Variants in CHD6 observed in about 807,000 individuals in gnomAD.
CHD6 encodes ATP-dependent chromatin remodeler CHD6.
Under a neutral mutation model 276.9 loss-of-function variants are expected in CHD6, and 50 were observed. The ratio of observed to expected loss-of-function variants is 0.18; its 90% confidence interval spans 0.14 to 0.23. The LOEUF is 0.23. CHD6 is among the 10% of genes least tolerant of loss of function. The pLI, the probability that CHD6 is intolerant of heterozygous loss-of-function variation, is 1.00. For synonymous variants in CHD6, 1,173 were observed against 1,229.3 expected (o/e 0.95, Z 0.96); for missense variants, 2,564 against 3,365.8 (o/e 0.76, Z 5.89).
chr20:41,577,680 T>G (rs1568713201), intron 1 of CHD6, among the ~76,000 whole-genome samples: 1 of 152,258 alleles, frequency 6.6e-6, no homozygotes, highest in Non-Finnish European at 1.5e-5. Flanking sequence ...AATATATGTG[T>G]AGATTATTGT....
intron 25 of CHD6, among the ~76,000 whole-genome samples, chr20:41,443,842 C>T (rs1403102898): frequency 6.6e-6 from 1 of 152,182 alleles, no homozygotes; most frequent in Non-Finnish European, 1.5e-5. Flanking sequence ...GCTTTCAGTT[C>T]TGGCTTTAAA....
chr20:41,587,697 G>A (rs1264410504), intron 1 of CHD6, among the ~76,000 whole-genome samples: 10 of 152,150 alleles, frequency 6.6e-5, no homozygotes, highest in African/African-American at 1.9e-4. Context: ...TGACACTAAC[G>A]TGTACAAAGG....
At chr20:41,584,978 C>T (rs2045578349) in intron 1 of CHD6, among the ~76,000 whole-genome samples, 1 of 151,682 alleles carries the variant, frequency 6.6e-6, no homozygotes, top group Admixed American at 6.6e-5. Context: ...AAAAATAAGT[C>T]GTGAAAAGGA....
rs1218231581 is a variant in CHD6, at chr20:41,459,753, CCA to C, written c.2665-2327_2665-2326del. Among the ~76,000 whole-genome samples, 4 of 152,128 alleles carry C rather than the reference CCA, an allele frequency of 2.6e-5. No individual in the cohort carries two copies. The East Asian group carries it at 7.7e-4, about 29-fold the overall frequency. Reference sequence around the variant, plus strand: ...AGTCCAATTAAACCTTTTTTTGTTCCCAGTTTTGGATATGCCTTTATTAGCAG... The same window carrying C: ...AGTCCAATTAAACCTTTTTTTGTTCCGTTTTGGATATGCCTTTATTAGCAG... On this transcript the variant is annotated intron_variant, in intron 17 of 36. Coordinates refer to ENST00000373233, the MANE Select transcript of CHD6 (RefSeq NM_032221.5).
chr20:41,420,600 G>T lies in CHD6; in HGVS notation c.6035C>A (p.Thr2012Lys). ...ESAEGQNVFP[T>K]YPLEGSELKS... The stretch of plus-strand genomic sequence containing the variant: ...GAGCTCACTTCCTTCAAGAGGATAT[G>T]TGGGGAAAACGTTTTGCCCCTCTGC... Residue 2012 changes from threonine (T) to lysine (K), a missense_variant, in exon 31 of 37, where the codon ACA (threonine) becomes AAA (lysine). Thr to Lys is a moderately conservative substitution (Grantham distance 78, BLOSUM62 -1). Around this residue, in one of 7 missense-constraint regions of CHD6, gnomAD observed 1,024 missense variants for 1,047.9 expected, o/e 0.98. Coordinates refer to ENST00000373233, the MANE Select transcript of CHD6 (RefSeq NM_032221.5). The T allele has an allele frequency of 1.2e-6, 2 of 1,614,154 alleles. No individual in the cohort carries two copies. Among genetic ancestry groups the T allele is most frequent in the Non-Finnish European group, 8.5e-7 (1 of 1,179,982 alleles).
rs764306469 is a variant in CHD6, at chr20:41,404,700, C to T, written c.8041G>A (p.Gly2681Ser). 9 of 1,595,270 alleles carry T rather than the reference C, an allele frequency of 5.6e-6. No individual in the cohort carries two copies. Among genetic ancestry groups the T allele is most frequent in the African/African-American group, 2.7e-5 (2 of 74,328 alleles). The change falls in exon 37 of 37, where the codon GGT (glycine) becomes AGT (serine). Residue 2681 changes from glycine (G) to serine (S), a missense_variant. Physicochemically the swap from Gly to Ser is moderately conservative, Grantham distance 56. Coordinates refer to ENST00000373233, the MANE Select transcript of CHD6 (RefSeq NM_032221.5). ...PAPSCEREPSGDENCAEPSAP... is the reference protein window; with the variant it reads ...PAPSCEREPSSDENCAEPSAP... Reference sequence around the variant, plus strand: ...CTGGGTTCGGCACAGTTCTCATCACCGCTGGGCTCCCTTTCACAGCTGGGA... The same window carrying T: ...CTGGGTTCGGCACAGTTCTCATCACTGCTGGGCTCCCTTTCACAGCTGGGA...
At position 41,445,683 on chromosome 20, in the gene CHD6, T is replaced by A. The variant is rs753569113; in HGVS notation, c.3859A>T (p.Ile1287Phe). The A allele has an allele frequency of 6.2e-7, 1 of 1,612,776 alleles. No homozygotes were observed. The highest frequency in any genetic ancestry group is 8.5e-7 in the Non-Finnish European group (1 of 1,178,824). Residue 1287 changes from isoleucine to phenylalanine, a missense_variant, in exon 25 of 37, where the codon ATT becomes TTT. This residue lies in a region of CHD6 where 515 missense variants were observed against 739.5 expected (regional missense o/e 0.70). Transcript: ENST00000373233. Reference sequence around the variant, plus strand: ...TACACACCATGCTTGAACACGCCAATGAGAAGTGACTTATCGGCTTCAGCA... The same window carrying A: ...TACACACCATGCTTGAACACGCCAAAGAGAAGTGACTTATCGGCTTCAGCA... ...WDAEADKSLL[I>F]GVFKHGYERY...
intron 5 of CHD6, among the ~76,000 whole-genome samples, chr20:41,500,806 C>T (rs2043813297): frequency 1.3e-5 from 2 of 151,954 alleles, no homozygotes; most frequent in African/African-American, 4.8e-5. Context: ...TTTTTGAATG[C>T]TAAATAACAA....
At chr20:41,482,462 T>C in intron 16 of CHD6, 1 of 451,342 alleles carries the variant, frequency 2.2e-6, no homozygotes, top group Non-Finnish European at 4.4e-6. Flanking sequence ...ATAAAGTACA[T>C]GTAATGTACA....
Position 41,403,292 on chromosome 20 carries a change from TC to T in CHD6, c.*1300del. On this transcript the variant is annotated 3_prime_UTR_variant, in exon 37 of 37. Transcript: ENST00000373233. Reference sequence around the variant, plus strand: ...CAGAGTACTGAACCATGAGCTTACTTCAAGTCTCAGAGTGTGAACTACCTGT... The same window carrying T: ...CAGAGTACTGAACCATGAGCTTACTTAAGTCTCAGAGTGTGAACTACCTGT... The T allele has an allele frequency of 9.4e-7, 1 of 1,063,088 alleles. No homozygotes were observed. The highest frequency in any genetic ancestry group is 1.1e-6 in the Non-Finnish European group (1 of 877,612). The allele number at this position is 1,063,088 out of a possible 1,614,324, so 65.9% of individuals were successfully genotyped here. A position where few individuals can be genotyped will look rare whatever the true frequency, so the allele number is the denominator to read the frequency against.
intron 1 of CHD6, among the ~76,000 whole-genome samples, chr20:41,567,162 G>A (rs768538679): frequency 3.3e-5 from 5 of 152,142 alleles, no homozygotes; most frequent in Non-Finnish European, 7.3e-5. Context: ...TTAATTGACT[G>A]TACCCTGGTG....
intron 2 of CHD6, among the ~76,000 whole-genome samples, chr20:41,534,576 T>C (rs1411836218): frequency 6.8e-6 from 1 of 147,882 alleles, no homozygotes. Flanking sequence ...GGAAAGATTT[T>C]TGGGGGGGCG....
At chr20:41,604,191 C>T (rs2045803101) in intron 1 of CHD6, among the ~76,000 whole-genome samples, 1 of 152,108 alleles carries the variant, frequency 6.6e-6, no homozygotes, top group African/African-American at 2.4e-5. Flanking sequence ...TGCACTTGGA[C>T]AGGCAGGTGG....
At chr20:41,481,964 A>C (rs911808235) in intron 16 of CHD6, among the ~76,000 whole-genome samples, 2 of 152,104 alleles carry the variant, frequency 1.3e-5, no homozygotes, top group African/African-American at 4.8e-5. Context: ...CCCCAAGATG[A>C]ATGGGGAGTT....
At chr20:41,469,054 A>T (rs2042993969) in intron 17 of CHD6, among the ~76,000 whole-genome samples, 1 of 152,158 alleles carries the variant, frequency 6.6e-6, no homozygotes, top group Non-Finnish European at 1.5e-5. Context: ...GCAGAGGAAG[A>T]GGCACAGGGG....
At chr20:41,504,387 T>C (rs2043922375) in intron 5 of CHD6, among the ~76,000 whole-genome samples, 1 of 148,686 alleles carries the variant, frequency 6.7e-6, no homozygotes, top group East Asian at 2.0e-4. Context: ...ATCTTGTCCA[T>C]CTTTTCCTCT....
intron 3 of CHD6, among the ~76,000 whole-genome samples, chr20:41,523,584 C>T (rs1185397799): frequency 1.3e-5 from 2 of 151,856 alleles, no homozygotes; most frequent in Non-Finnish European, 2.9e-5. Flanking sequence ...CTTCATCAGC[C>T]AAGAAGATTT....
At position 41,495,458 on chromosome 20, in the gene CHD6, A is replaced by AG. The variant is rs201161890; in HGVS notation, c.1093-1515dup. On this transcript the variant is annotated intron_variant, in intron 8 of 36. Transcript: ENST00000373233. ...ATGGTGGTTGCCAGGGATGAAGGGG[A>AG]GGGGAAATGGGGAAGACATTGGTCA... Among the ~76,000 whole-genome samples the AG allele has an allele frequency of 7.8e-3, 1,182 of 152,270 alleles. 16 individuals carry two copies. Among genetic ancestry groups the AG allele is most frequent in the Middle Eastern group, 0.024 (7 of 294 alleles).
intron 1 of CHD6, among the ~76,000 whole-genome samples, chr20:41,609,094 G>T (rs535306813): frequency 6.6e-6 from 1 of 152,266 alleles, no homozygotes; most frequent in East Asian, 1.9e-4. Context: ...CCAACTATCA[G>T]ATCTAAATTT....
Sources: allele counts gnomAD v4.1 joint callset (sites outside exome capture counted in the v4.1 genomes callset), GRCh38; gene constraint gnomAD v4.1.1; regional missense constraint gnomAD v4.1.1; transcripts MANE v1.5; gene names NCBI Gene and HGNC (gene_info 2026-07-23, HGNC 2026-07-21).